DAB1: variants seen among roughly 807,000 people sequenced by gnomAD.
DAB1 encodes disabled homolog 1.
DAB1 carries 15 observed loss-of-function variants against 64.6 expected under a neutral mutation model. The observed-to-expected ratio is 0.23, with a 90% CI of 0.16 to 0.36. DAB1 has a LOEUF of 0.36. DAB1 is among the 10% of genes least tolerant of loss of function. The pLI, the probability that DAB1 is intolerant of heterozygous loss-of-function variation, is 1.00. For synonymous variants in DAB1, 235 were observed against 251.9 expected, an observed-to-expected ratio of 0.93 and a Z score of 0.64; for missense variants, 596 against 706.7, an observed-to-expected ratio of 0.84 and a Z score of 1.78.
At chr1:58,357,566 A>T (rs1160108228) in intron 3 of DAB1, among the ~76,000 whole-genome samples, 1 of 152,216 alleles carries the variant, frequency 6.6e-6, no homozygotes, top group East Asian at 1.9e-4. Context: ...TTAAAGAGGC[A>T]TATTGAGGAT....
intron 7 of DAB1, among the ~76,000 whole-genome samples, chr1:57,568,188 T>C (rs1268390788): frequency 6.6e-6 from 1 of 152,242 alleles, no homozygotes; most frequent in East Asian, 1.9e-4. Flanking sequence ...GGATTCCCTA[T>C]TTAATAAATG....
At chr1:58,362,705 A>T (rs1644179160) in intron 3 of DAB1, among the ~76,000 whole-genome samples, 1 of 152,230 alleles carries the variant, frequency 6.6e-6, no homozygotes, top group South Asian at 2.1e-4. Flanking sequence ...ATCTTAGAGT[A>T]AGTTAGAATC....
intron 9 of DAB1, among the ~76,000 whole-genome samples, chr1:57,042,685 C>T (rs554344856): frequency 6.6e-6 from 1 of 152,210 alleles, no homozygotes; most frequent in Admixed American, 6.5e-5. Context: ...TTTTAAAAAA[C>T]AAAATGAATA....
intron 1 of DAB1, among the ~76,000 whole-genome samples, chr1:57,407,889 C>G (rs1683783600): frequency 6.6e-6 from 1 of 152,060 alleles, no homozygotes; most frequent in Admixed American, 6.6e-5. Context: ...CACCCGCTGG[C>G]TTCCTTCATT....
At chr1:58,193,102 C>T (rs566581010) in intron 4 of DAB1, among the ~76,000 whole-genome samples, 7 of 152,172 alleles carry the variant, frequency 4.6e-5, no homozygotes, top group East Asian at 3.9e-4. Context: ...ATATTGGAGG[C>T]GGGGCTTAAT....
chr1:57,172,882 C>T (rs1430520098), intron 2 of DAB1, among the ~76,000 whole-genome samples: 2 of 152,106 alleles, frequency 1.3e-5, no homozygotes, highest in East Asian at 1.9e-4. Flanking sequence ...TTATAGCATG[C>T]ATAGACAGCA....
intron 14 of DAB1, among the ~76,000 whole-genome samples, chr1:57,010,074 A>T (rs2100284926): frequency 6.6e-6 from 1 of 152,294 alleles, no homozygotes; most frequent in Middle Eastern, 3.4e-3. Context: ...ATCTCGATCA[A>T]TCTTATTTCA....
At chr1:57,729,559 G>A (rs1437444428) in intron 6 of DAB1, among the ~76,000 whole-genome samples, 1 of 152,202 alleles carries the variant, frequency 6.6e-6, no homozygotes, top group Non-Finnish European at 1.5e-5. Context: ...GCAGATAAAA[G>A]CCTTGTTTAC....
chr1:57,330,408 A>C (rs2100794478), intron 1 of DAB1, among the ~76,000 whole-genome samples: 1 of 152,316 alleles, frequency 6.6e-6, no homozygotes, highest in Non-Finnish European at 1.5e-5. Flanking sequence ...TTGTGGAGTC[A>C]CAGAAACCTG....
In DAB1 at chr1:57,184,548, A is replaced by T. The variant is rs571918399; in HGVS notation, c.68-39119T>A. 2.0e-5 allele frequency among the ~76,000 whole-genome samples: 3 copies of T among 152,318 alleles called. No individual in the cohort carries two copies. In the South Asian group the frequency reaches 6.2e-4, roughly 32 times the overall value. On this transcript the variant is annotated intron_variant, in intron 2 of 14. Coordinates refer to ENST00000371236, the MANE Select transcript of DAB1 (RefSeq NM_001365792.1). The stretch of plus-strand genomic sequence containing the variant: ...CCCTCATTATCACAGATTTCACAGT[A>T]AAGAATGCAAGGTTACCAAAAATAA...
At chr1:57,541,393 G>A (rs1570609981) in intron 7 of DAB1, among the ~76,000 whole-genome samples, 1 of 152,054 alleles carries the variant, frequency 6.6e-6, no homozygotes, top group Non-Finnish European at 1.5e-5. Flanking sequence ...TCTCCCAAAG[G>A]GCTGGGATTA....
intron 5 of DAB1, among the ~76,000 whole-genome samples, chr1:57,931,009 C>T (rs1644945470): frequency 1.3e-5 from 2 of 152,082 alleles, no homozygotes; most frequent in Non-Finnish European, 2.9e-5. Flanking sequence ...GATATTCTTT[C>T]TCAAATTGAG....
At chr1:58,254,479 G>A (rs1660880163) in intron 4 of DAB1, among the ~76,000 whole-genome samples, 1 of 131,090 alleles carries the variant, frequency 7.6e-6, no homozygotes, top group Non-Finnish European at 1.6e-5. Context: ...TGCCATGCTG[G>A]TGCGCTGCAC....
intron 4 of DAB1, among the ~76,000 whole-genome samples, chr1:58,324,495 T>C (rs1356062762): frequency 1.3e-5 from 2 of 152,180 alleles, no homozygotes; most frequent in Non-Finnish European, 2.9e-5. Flanking sequence ...ATGTCCAACA[T>C]GGCACTCAGC....
Position 58,279,637 on chromosome 1 carries a change from T to G in DAB1, n.309+63715A>C, listed in dbSNP as rs114931499. Among the ~76,000 whole-genome samples the G allele has an allele frequency of 2.3e-3, 354 of 152,304 alleles. 1 individual carries two copies. Among genetic ancestry groups the G allele is most frequent in the African/African-American group, 7.9e-3 (330 of 41,546 alleles). Reference sequence around the variant, plus strand: ...TGAGCCGAGGGCACAAAGCCCATACTCTTTCCACTGTACCAAGTCCCTTCA... The same window carrying G: ...TGAGCCGAGGGCACAAAGCCCATACGCTTTCCACTGTACCAAGTCCCTTCA... On this transcript the variant is annotated intron_variant and non_coding_transcript_variant, in intron 4 of 20. Transcript: ENST00000485760.
chr1:57,720,486 A>G (rs772972371), intron 6 of DAB1, among the ~76,000 whole-genome samples: 1 of 152,246 alleles, frequency 6.6e-6, no homozygotes, highest in African/African-American at 2.4e-5. Flanking sequence ...TCCGGCATGA[A>G]GATAGTGCAG....
chr1:57,559,045 A>T (rs2101499156), intron 7 of DAB1, among the ~76,000 whole-genome samples: 1 of 152,318 alleles, frequency 6.6e-6, no homozygotes, highest in Non-Finnish European at 1.5e-5. Flanking sequence ...AATAGGAATA[A>T]TTGGATCCTG....
intron 4 of DAB1, among the ~76,000 whole-genome samples, chr1:58,223,808 G>A (rs975182572): frequency 2.0e-5 from 3 of 152,172 alleles, no homozygotes; most frequent in African/African-American, 7.2e-5. Flanking sequence ...GTAATATAGT[G>A]TACAATATAA....
Position 58,356,300 on chromosome 1 carries a change from C to A in DAB1, n.258-12897G>T, listed in dbSNP as rs563129364. On this transcript the variant is annotated intron_variant and non_coding_transcript_variant, in intron 3 of 20. Coordinates refer to the DAB1 transcript ENST00000485760. ...GTATATTATCTAAAATCAGCAGGAA[C>A]CTTGCCTGTTTGTTCACTAGAACAC... 6.6e-5 allele frequency among the ~76,000 whole-genome samples: 10 copies of A among 152,224 alleles called. No homozygotes were observed. In the East Asian group the frequency reaches 1.7e-3, roughly 26 times the overall value.
Sources: allele counts gnomAD v4.1 joint callset (sites outside exome capture counted in the v4.1 genomes callset), GRCh38; gene constraint gnomAD v4.1.1; transcripts MANE v1.5; gene names NCBI Gene and HGNC (gene_info 2026-07-23, HGNC 2026-07-21).